Variants in ZBTB7C observed in about 807,000 individuals in gnomAD.
The protein encoded by ZBTB7C is zinc finger and BTB domain containing 7C, also known as zinc finger and BTB domain-containing protein 7C.
In ZBTB7C, 8 loss-of-function variants were observed where a neutral mutation model predicts 25.7. The observed-to-expected ratio is 0.31, with a 90% CI of 0.18 to 0.56. The LOEUF is 0.56. ZBTB7C is among the 20% of genes least tolerant of loss of function. The pLI is 0.91. For missense variants in ZBTB7C, 824 were observed against 855.2 expected, an observed-to-expected ratio of 0.96 and a Z score of 0.46; for synonymous variants, 394 against 369.0, an observed-to-expected ratio of 1.07 and a Z score of -0.78.
At chr18:48,093,608 T>TA (rs975594615) in intron 3 of ZBTB7C, among the ~76,000 whole-genome samples, 27 of 142,128 alleles carry the variant, frequency 1.9e-4, no homozygotes, top group South Asian at 4.5e-4. Context: ...CAGCAGTGAT[T>TA]AAAAAAAAAC....
At chr18:48,318,214 C>A (rs371696338) in intron 2 of ZBTB7C, among the ~76,000 whole-genome samples, 3 of 148,746 alleles carry the variant, frequency 2.0e-5, no homozygotes, top group African/African-American at 4.9e-5. Context: ...CAAAACAAAA[C>A]AAAAAAAAAA....
chr18:48,182,808 A>G (rs2041961401), intron 3 of ZBTB7C, among the ~76,000 whole-genome samples: 1 of 152,254 alleles, frequency 6.6e-6, no homozygotes, highest in African/African-American at 2.4e-5. Flanking sequence ...TATGCAAATG[A>G]CATCAGATAA....
At chr18:48,269,813 TTGG>T (rs946797900) in intron 2 of ZBTB7C, among the ~76,000 whole-genome samples, 2 of 152,228 alleles carry the variant, frequency 1.3e-5, no homozygotes, top group Non-Finnish European at 1.5e-5. Flanking sequence ...GTTTTATTCC[TTGG>T]TGATTTCCTT....
chr18:48,083,578 G>A (rs2038074546), intron 3 of ZBTB7C, among the ~76,000 whole-genome samples: 1 of 152,164 alleles, frequency 6.6e-6, no homozygotes, highest in South Asian at 2.1e-4. Flanking sequence ...TGCAAAGTTT[G>A]TGTCTGACCC....
At position 48,093,837 on chromosome 18, in the gene ZBTB7C, T is replaced by G. The variant is rs2038514966; in HGVS notation, c.-16-52714A>C. 2.6e-5 allele frequency among the ~76,000 whole-genome samples: 4 copies of G among 152,106 alleles called. No individual in the cohort carries two copies. The South Asian group carries it at 8.3e-4, about 32-fold the overall frequency. The stretch of plus-strand genomic sequence containing the variant: ...TTGGGAGGCCAAAGCGGGTAGATCA[T>G]GAGGTCAGGAGATCGAGACCATCCT... On this transcript the variant is annotated intron_variant, in intron 3 of 4. Coordinates refer to ENST00000590800, the MANE Select transcript of ZBTB7C (RefSeq NM_001318841.2).
At chr18:48,105,251 C>T (rs185983543) in intron 3 of ZBTB7C, among the ~76,000 whole-genome samples, 3 of 152,196 alleles carry the variant, frequency 2.0e-5, no homozygotes, top group Non-Finnish European at 4.4e-5. Flanking sequence ...CTTCAAATAG[C>T]AAAGTGATTT....
chr18:48,108,563 A>G (rs1054433650), intron 3 of ZBTB7C, among the ~76,000 whole-genome samples: 4 of 152,062 alleles, frequency 2.6e-5, no homozygotes, highest in Admixed American at 2.6e-4. Context: ...CCTCCCAGAT[A>G]GTTAGGACTA....
chr18:48,274,109 T>C (rs2044573382), intron 2 of ZBTB7C, among the ~76,000 whole-genome samples: 2 of 152,226 alleles, frequency 1.3e-5, no homozygotes, highest in South Asian at 4.1e-4. Flanking sequence ...AAGTATCAGA[T>C]GCTTTTTGCT....
intron 2 of ZBTB7C, among the ~76,000 whole-genome samples, chr18:48,244,013 C>A (rs549177427): frequency 2.0e-5 from 3 of 152,128 alleles, no homozygotes; most frequent in Admixed American, 6.5e-5. Flanking sequence ...TCAGCTTGTA[C>A]AAAAATCAAC....
At chr18:48,154,837 C>T (rs1568262363) in intron 3 of ZBTB7C, among the ~76,000 whole-genome samples, 1 of 152,234 alleles carries the variant, frequency 6.6e-6, no homozygotes, top group Non-Finnish European at 1.5e-5. Flanking sequence ...AAATGAGTCA[C>T]ACTCTGAGCT....
intron 1 of ZBTB7C, among the ~76,000 whole-genome samples, chr18:48,390,755 T>G (rs922233143): frequency 1.2e-4 from 18 of 152,338 alleles, no homozygotes; most frequent in African/African-American, 4.1e-4. Flanking sequence ...GCCATCCACA[T>G]GCCTATCTCA....
intron 2 of ZBTB7C, among the ~76,000 whole-genome samples, chr18:48,287,409 T>C (rs754517609): frequency 1.3e-4 from 20 of 152,210 alleles, no homozygotes; most frequent in Non-Finnish European, 2.9e-5. Context: ...AATCATTAAA[T>C]ACACTGAATC....
At chr18:48,329,181 G>A (rs2046290445) in intron 2 of ZBTB7C, among the ~76,000 whole-genome samples, 1 of 152,182 alleles carries the variant, frequency 6.6e-6, no homozygotes, top group African/African-American at 2.4e-5. Context: ...CAAAATGGCA[G>A]GGCACACATT....
intron 2 of ZBTB7C, among the ~76,000 whole-genome samples, chr18:48,286,923 A>G (rs927734285): frequency 2.6e-5 from 4 of 152,116 alleles, no homozygotes; most frequent in Non-Finnish European, 4.4e-5. Context: ...ATGGTGGCGC[A>G]CACCTGTAGT....
chr18:48,384,926 C>T (rs2047712773), intron 1 of ZBTB7C, among the ~76,000 whole-genome samples: 1 of 152,216 alleles, frequency 6.6e-6, no homozygotes, highest in African/African-American at 2.4e-5. Context: ...TAGTGATCCA[C>T]CTGCCTCAGC....
At chr18:48,402,867 T>G (rs897251191) in intron 1 of ZBTB7C, among the ~76,000 whole-genome samples, 1 of 152,242 alleles carries the variant, frequency 6.6e-6, no homozygotes, top group Non-Finnish European at 1.5e-5. Context: ...TTATGAGTCT[T>G]ATTGCTTTAA....
intron 2 of ZBTB7C, among the ~76,000 whole-genome samples, chr18:48,271,726 T>C (rs1164616115): frequency 2.6e-5 from 4 of 151,980 alleles, no homozygotes; most frequent in Non-Finnish European, 5.9e-5. Flanking sequence ...CAAATAAATA[T>C]GATCATCTTA....
intron 3 of ZBTB7C, chr18:48,148,173 T>C: frequency 6.6e-6 from 1 of 150,644 alleles, no homozygotes; most frequent in East Asian, 1.9e-4. Flanking sequence ...TTTTTTTTTT[T>C]TTTTTTGCAT....
chr18:48,310,191 C>G (rs1324483573), intron 2 of ZBTB7C, among the ~76,000 whole-genome samples: 1 of 151,444 alleles, frequency 6.6e-6, no homozygotes, highest in Non-Finnish European at 1.5e-5. Flanking sequence ...GATCACGCCA[C>G]TGCACTCCAG....
Sources: gnomAD v4.1 joint callset for allele counts (sites outside exome capture counted in the v4.1 genomes callset) on GRCh38, gnomAD v4.1.1 for gene constraint, MANE v1.5 for transcripts, NCBI Gene and HGNC (gene_info 2026-07-23, HGNC 2026-07-21) for gene names.